Variants in PTPRD observed in about 807,000 individuals in gnomAD.
PTPRD encodes receptor-type tyrosine-protein phosphatase delta.
In PTPRD, 34 loss-of-function variants were observed where a neutral mutation model predicts 214.5. That is an observed-to-expected ratio of 0.16 (90% CI 0.12 to 0.21). The LOEUF (loss-of-function observed/expected upper bound fraction) is 0.21. Ranked by LOEUF, PTPRD falls within the 10% of genes least tolerant of loss-of-function variation. The pLI is 1.00. For synonymous variants in PTPRD, 1,128 were observed against 845.7 expected (o/e 1.33, Z -5.79); for missense variants, 2,545 against 2,398.7 (o/e 1.06, Z -1.27).
chr9:8,560,060 G>A (rs1243313783), intron 14 of PTPRD, among the ~76,000 whole-genome samples: 1 of 152,092 alleles, frequency 6.6e-6, no homozygotes, highest in African/African-American at 2.4e-5. Context: ...GAACATCAAG[G>A]GAGAAGTAAA....
At chr9:8,615,133 G>A (rs770873875) in intron 14 of PTPRD, among the ~76,000 whole-genome samples, 4 of 152,112 alleles carry the variant, frequency 2.6e-5, no homozygotes, top group Non-Finnish European at 5.9e-5. Flanking sequence ...CTTAGCCACT[G>A]AAGCTGAGCA....
rs368682344 is a variant in PTPRD at position 9,925,536 on chromosome 9, C to T, written c.-368+12971G>A. The stretch of plus-strand genomic sequence containing the variant: ...TCACTTCACATTAGTTTTTTTAAAG[C>T]ATGTTTTTATTATTATAACAGTAAT... On this transcript the variant is annotated intron_variant, in intron 5 of 45. Coordinates refer to ENST00000381196, the MANE Select transcript of PTPRD (RefSeq NM_002839.4). Among the ~76,000 whole-genome samples the T allele has an allele frequency of 3.7e-4, 56 of 151,820 alleles. No individual in the cohort carries two copies. In the East Asian group the frequency reaches 8.3e-3, roughly 23 times the overall value.
intron 3 of PTPRD, among the ~76,000 whole-genome samples, chr9:10,129,225 C>A (rs545218335): frequency 6.6e-6 from 1 of 151,970 alleles, no homozygotes; most frequent in Non-Finnish European, 1.5e-5. Context: ...TTTTACTAGC[C>A]CGAAAGTACC....
rs560847813 is a variant in PTPRD, at chr9:8,795,263, C to G, written c.-103-61317G>C. Reference sequence around the variant, plus strand: ...CACTGCAACCTCCGCCTCCCAGGTTCAAACAATTCTCCTGCCTCAGCCTCC... The same window carrying G: ...CACTGCAACCTCCGCCTCCCAGGTTGAAACAATTCTCCTGCCTCAGCCTCC... On this transcript the variant is annotated intron_variant, in intron 11 of 45. Transcript: ENST00000381196. 1.5e-3 allele frequency among the ~76,000 whole-genome samples: 235 copies of G among 152,210 alleles called. 1 individual carries two copies. The highest frequency in any genetic ancestry group is 5.4e-3 in the African/African-American group (225 of 41,538).
At chr9:10,386,133 C>T (rs1352362922) in intron 2 of PTPRD, among the ~76,000 whole-genome samples, 1 of 151,642 alleles carries the variant, frequency 6.6e-6, no homozygotes, top group Non-Finnish European at 1.5e-5. Context: ...ATTTAAAATC[C>T]ACTGGCTATG....
intron 4 of PTPRD, among the ~76,000 whole-genome samples, chr9:9,951,724 C>T (rs946868710): frequency 5.3e-5 from 8 of 152,176 alleles, no homozygotes; most frequent in African/African-American, 1.7e-4. Flanking sequence ...ATACTTTGAA[C>T]GGGGAAGTAT....
At chr9:8,329,113 T>C (rs1837015517) in intron 44 of PTPRD, among the ~76,000 whole-genome samples, 1 of 152,088 alleles carries the variant, frequency 6.6e-6, no homozygotes, top group South Asian at 2.1e-4. Flanking sequence ...AGAGGCGTGC[T>C]GGTTTTTGGA....
rs1012265573 is a variant in PTPRD, at chr9:8,642,456, T to C, written c.65-5612A>G. On this transcript the variant is annotated intron_variant, in intron 12 of 45. Transcript: ENST00000381196. The stretch of plus-strand genomic sequence containing the variant: ...GCTGTTAAATGAGACAGGGAGAGAA[T>C]GTTCAGTGGGAACATGCAGGTACCC... Among the ~76,000 whole-genome samples the C allele has an allele frequency of 3.9e-5, 6 of 152,308 alleles. No individual in the cohort carries two copies. The East Asian group carries it at 1.2e-3, about 29-fold the overall frequency.
chr9:10,244,724 G>T (rs1173832501), intron 3 of PTPRD, among the ~76,000 whole-genome samples: 1 of 152,064 alleles, frequency 6.6e-6, no homozygotes, highest in Non-Finnish European at 1.5e-5. Flanking sequence ...AGGAACTGAA[G>T]TTCAAACAAT....
intron 11 of PTPRD, among the ~76,000 whole-genome samples, chr9:8,957,334 C>A (rs2099136541): frequency 6.6e-6 from 1 of 151,734 alleles, no homozygotes; most frequent in South Asian, 2.1e-4. Flanking sequence ...AGTTTCTTTC[C>A]AAGTTGAGAA....
intron 2 of PTPRD, among the ~76,000 whole-genome samples, chr9:10,424,207 T>C (rs2098588207): frequency 6.6e-6 from 1 of 151,950 alleles, no homozygotes; most frequent in Non-Finnish European, 1.5e-5. Context: ...GTGTGATACT[T>C]ATTATGTTAT....
At chr9:9,360,511 G>C (rs1250922233) in intron 9 of PTPRD, among the ~76,000 whole-genome samples, 1 of 151,002 alleles carries the variant, frequency 6.6e-6, no homozygotes, top group Non-Finnish European at 1.5e-5. Context: ...ATGGGAGTGT[G>C]AATGCATATT....
intron 9 of PTPRD, among the ~76,000 whole-genome samples, chr9:9,390,611 T>C (rs1479386912): frequency 6.6e-6 from 1 of 152,144 alleles, no homozygotes; most frequent in Admixed American, 6.5e-5. Flanking sequence ...GTAAAAGAGG[T>C]AAGAGATCAA....
At chr9:8,964,028 T>C (rs1588970328) in intron 11 of PTPRD, among the ~76,000 whole-genome samples, 1 of 152,008 alleles carries the variant, frequency 6.6e-6, no homozygotes, top group Non-Finnish European at 1.5e-5. Context: ...GTTGTTTCTT[T>C]GCCAGGTTTT....
chr9:9,721,048 C>G (rs1312759908), intron 7 of PTPRD, among the ~76,000 whole-genome samples: 1 of 152,002 alleles, frequency 6.6e-6, no homozygotes, highest in Non-Finnish European at 1.5e-5. Flanking sequence ...AGGCTTAGTA[C>G]CTAGGTGATA....
In PTPRD at chr9:8,486,149, A is replaced by G; in HGVS notation, c.2668T>C (p.Ser890Pro). The change falls in exon 28 of 46, where the codon TCA becomes CCA. Residue 890 changes from serine to proline, a missense_variant. Coordinates refer to ENST00000381196, the MANE Select transcript of PTPRD (RefSeq NM_002839.4). ...CTGGCTGAGAGCCTGAAGACGTATG[A>G]TGCTCCCTTGTGGATGTCTGTAGCT... ...FTATDIHKGA[S>P]YVFRLSARNK... 6.2e-7 allele frequency: 1 copy of G among 1,614,188 alleles called. No individual in the cohort carries two copies. Among genetic ancestry groups the G allele is most frequent in the Non-Finnish European group, 8.5e-7 (1 of 1,180,026 alleles).
chr9:9,504,420 G>C (rs894328154), intron 8 of PTPRD, among the ~76,000 whole-genome samples: 2 of 151,508 alleles, frequency 1.3e-5, no homozygotes, highest in Non-Finnish European at 3.0e-5. Context: ...TACAACCCTT[G>C]TCTCCATTCC....
intron 13 of PTPRD, 105 bp downstream of exon 13, chr9:8,636,594 T>C: frequency 7.3e-7 from 1 of 1,375,874 alleles, no homozygotes; most frequent in Non-Finnish European, 1.0e-6. Context: ...GAATACCATA[T>C]ATCAGTGACA....
At chr9:9,183,640 CCA>C (rs1357977288) in intron 9 of PTPRD, among the ~76,000 whole-genome samples, 1 of 151,990 alleles carries the variant, frequency 6.6e-6, no homozygotes, top group Non-Finnish European at 1.5e-5. Context: ...ACTAACATGT[CCA>C]CCATAAAATG....
Sources: gnomAD v4.1 joint callset for allele counts (sites outside exome capture counted in the v4.1 genomes callset) on GRCh38, gnomAD v4.1.1 for gene constraint, MANE v1.5 for transcripts, NCBI Gene and HGNC (gene_info 2026-07-23, HGNC 2026-07-21) for gene names.